Variants in ZNF646 observed in about 807,000 individuals in gnomAD.
The protein encoded by ZNF646 is zinc finger protein 646.
Under a neutral mutation model 115.4 loss-of-function variants are expected in ZNF646, and 49 were observed. The ratio of observed to expected loss-of-function variants is 0.42; its 90% confidence interval spans 0.34 to 0.54. The LOEUF (loss-of-function observed/expected upper bound fraction) is 0.54. ZNF646 is among the 20% of genes least tolerant of loss of function. ZNF646 has a pLI of 0.04. For missense variants in ZNF646, 2,269 were observed against 2,457.9 expected, an observed-to-expected ratio of 0.92 and a Z score of 1.62; for synonymous variants, 933 against 939.0, an observed-to-expected ratio of 0.99 and a Z score of 0.12.
chr16:31,083,223 A>C lies in ZNF646; in HGVS notation c.*131A>C. The C allele has an allele frequency of 7.4e-7, 1 of 1,359,164 alleles. No individual in the cohort carries two copies. Among genetic ancestry groups the C allele is most frequent in the Non-Finnish European group, 9.8e-7 (1 of 1,020,984 alleles). The allele number at this position is 1,359,164 out of a possible 1,614,324, so 84.2% of individuals were successfully genotyped here. A position where few individuals can be genotyped will look rare whatever the true frequency, so the allele number is the denominator to read the frequency against. On this transcript the variant is annotated 3_prime_UTR_variant, in exon 3 of 3. Coordinates refer to ENST00000300850, the MANE Select transcript of ZNF646 (RefSeq NM_014699.4). ...CTCTCCCCTTGTGAAGAGGACCCAGATCTGGCTTCTTTCCCAAGGAGGGGG... is the reference window on the plus strand; with the variant it reads ...CTCTCCCCTTGTGAAGAGGACCCAGCTCTGGCTTCTTTCCCAAGGAGGGGG...
In ZNF646 at chr16:31,078,904, G is replaced by T. The variant is rs773012092; in HGVS notation, c.2580G>T (p.Leu860=). Residue 860 remains leucine, a synonymous_variant, in exon 2 of 3, where the codon CTG becomes CTT. Transcript: ENST00000300850. ...CSLCPKEFDS[L]PALRSHFQNH... ...TCTGCCCGAAGGAGTTTGACTCTCTGCCTGCCCTCCGCAGCCACTTCCAGA... is the reference window on the plus strand; with the variant it reads ...TCTGCCCGAAGGAGTTTGACTCTCTTCCTGCCCTCCGCAGCCACTTCCAGA... 5 of 1,613,710 alleles carry T rather than the reference G, an allele frequency of 3.1e-6. No homozygotes were observed. In the South Asian group the frequency reaches 4.4e-5, roughly 14 times the overall value.
chr16:31,080,291 A>G lies in ZNF646; in HGVS notation c.3967A>G (p.Thr1323Ala). The G allele has an allele frequency of 6.2e-7, 1 of 1,613,004 alleles. No individual in the cohort carries two copies. Among genetic ancestry groups the G allele is most frequent in the Non-Finnish European group, 8.5e-7 (1 of 1,179,800 alleles). The change falls in exon 2 of 3, where the codon ACG becomes GCG. Residue 1323 changes from threonine (T) to alanine (A), a missense_variant. By Grantham distance (58) the Thr-to-Ala change is moderately conservative (BLOSUM62 0). This residue lies in a region of ZNF646 where 1,062 missense variants were observed against 1,172.8 expected (regional missense o/e 0.91). Coordinates refer to ENST00000300850, the MANE Select transcript of ZNF646 (RefSeq NM_014699.4). The part of the protein sequence containing the change: ...SLLNHRRSHE[T>A]GQYSCPTCPK... Reference sequence around the variant, plus strand: ...CCTGAACCACCGGCGCAGCCACGAGACGGGCCAGTACAGCTGCCCCACCTG... The same window carrying G: ...CCTGAACCACCGGCGCAGCCACGAGGCGGGCCAGTACAGCTGCCCCACCTG...
rs2057087622 is a variant in ZNF646 at position 31,077,124 on chromosome 16, C to G, written c.800C>G (p.Pro267Arg). 1 of 1,614,078 alleles carries G rather than the reference C, an allele frequency of 6.2e-7. No individual in the cohort carries two copies. Among genetic ancestry groups the G allele is most frequent in the African/African-American group, 1.3e-5 (1 of 74,932 alleles). The change falls in exon 2 of 3, where the codon CCC (proline) becomes CGC (arginine). Residue 267 changes from proline (P) to arginine (R), a missense_variant. Physicochemically the swap from Pro to Arg is moderately radical, Grantham distance 103. Coordinates refer to ENST00000300850, the MANE Select transcript of ZNF646 (RefSeq NM_014699.4). ...HRQSHTLGIY[P>R]CAICFKEFSN... is the part of the protein sequence containing the mutation. ...CAGAGCCACACGCTGGGCATCTACCCCTGTGCCATCTGTTTCAAGGAGTTC... is the reference window on the plus strand; with the variant it reads ...CAGAGCCACACGCTGGGCATCTACCGCTGTGCCATCTGTTTCAAGGAGTTC...
Position 31,080,486 on chromosome 16 carries a change from G to A in ZNF646, c.4162G>A (p.Glu1388Lys), listed in dbSNP as rs2057141297. The A allele has an allele frequency of 1.9e-6, 3 of 1,613,528 alleles. No homozygotes were observed. Among genetic ancestry groups the A allele is most frequent in the Admixed American group, 1.7e-5 (1 of 60,012 alleles). Reference sequence around the variant, plus strand: ...GGAGCGGCACCTGCGGGAGCATGAGGAGACAGAAAGGGAGCCAGCCAATGG... The same window carrying A: ...GGAGCGGCACCTGCGGGAGCATGAGAAGACAGAAAGGGAGCCAGCCAATGG... ...SLERHLREHE[E>K]TEREPANGQG... Residue 1388 changes from glutamate (E) to lysine (K), a missense_variant, in exon 2 of 3, where the codon GAG (glutamate) becomes AAG (lysine). This residue lies in a region of ZNF646 where 1,062 missense variants were observed against 1,172.8 expected (regional missense o/e 0.91). Transcript: ENST00000300850.
rs2057096813 is a variant in ZNF646, at chr16:31,077,785, T to C, written c.1461T>C (p.His487=). Residue 487 remains histidine, a synonymous_variant, in exon 2 of 3, where the codon CAT becomes CAC. Transcript: ENST00000300850. ...GCCTGGTGAACCATCGCCACAGCCA[T>C]CGGACTGGAGAGTACCAGTGCTCAC... ...RGSLVNHRHS[H]RTGEYQCSLC... 2 of 1,613,934 alleles carry C rather than the reference T, an allele frequency of 1.2e-6. No homozygotes were observed. Among genetic ancestry groups the C allele is most frequent in the African/African-American group, 2.7e-5 (2 of 75,044 alleles).
Position 31,076,516 on chromosome 16 carries a change from T to C in ZNF646, c.192T>C (p.Val64=). The C allele has an allele frequency of 1.2e-6, 2 of 1,613,462 alleles. No homozygotes were observed. Among genetic ancestry groups the C allele is most frequent in the Non-Finnish European group, 1.7e-6 (2 of 1,179,752 alleles). Reference sequence around the variant, plus strand: ...GCTACCGTCACCCCGGGAGCCTGGTTAACCATCGTCGGACCCACGAGACTG... The same window carrying C: ...GCTACCGTCACCCCGGGAGCCTGGTCAACCATCGTCGGACCCACGAGACTG... ...GRGYRHPGSL[V]NHRRTHETGL... Residue 64 remains valine (V), a synonymous_variant, in exon 2 of 3, where the codon GTT becomes GTC. Coordinates refer to ENST00000300850, the MANE Select transcript of ZNF646 (RefSeq NM_014699.4).
rs747905319 is a variant in ZNF646 at position 31,082,952 on chromosome 16, CCTCT to C, written c.5378-11_5378-8del. 16 of 1,566,116 alleles carry C rather than the reference CCTCT, an allele frequency of 1.0e-5. No homozygotes were observed. The highest frequency in any genetic ancestry group is 5.4e-5 in the African/African-American group (4 of 73,736). On this transcript the variant is annotated splice_polypyrimidine_tract_variant and intron_variant, in intron 2 of 2. Coordinates refer to ENST00000300850, the MANE Select transcript of ZNF646 (RefSeq NM_014699.4). ...GGGTCTGCCCCTCAGTTGGTGACCT[CCTCT>C]CTCTCTCCCCCCAGGAGCCCCAGTG...
chr16:31,083,336 A>G lies in ZNF646; in HGVS notation c.*244A>G. ...CTTCTCAGCGCCACCCTCAGCAGCCAGATTGCAACACCAGGGAGAGGCGGA... is the reference window on the plus strand; with the variant it reads ...CTTCTCAGCGCCACCCTCAGCAGCCGGATTGCAACACCAGGGAGAGGCGGA... On this transcript the variant is annotated 3_prime_UTR_variant, in exon 3 of 3. Coordinates refer to ENST00000300850, the MANE Select transcript of ZNF646 (RefSeq NM_014699.4). The G allele has an allele frequency of 1.0e-6, 1 of 973,998 alleles. No homozygotes were observed. Among genetic ancestry groups the G allele is most frequent in the Non-Finnish European group, 1.4e-6 (1 of 697,492 alleles). 60.3% of individuals were successfully genotyped at this position (973,998 alleles called of 1,614,324 possible). A position where few individuals can be genotyped will look rare whatever the true frequency, so the allele number is the denominator to read the frequency against.
At position 31,080,678 on chromosome 16, in the gene ZNF646, C is replaced by T; in HGVS notation, c.4354C>T (p.Pro1452Ser). 6.2e-7 allele frequency: 1 copy of T among 1,613,988 alleles called. No homozygotes were observed. The highest frequency in any genetic ancestry group is 1.7e-5 in the Admixed American group (1 of 60,020). The change falls in exon 2 of 3, where the codon CCA becomes TCA. Residue 1452 changes from proline to serine, a missense_variant. Pro to Ser is a moderately conservative substitution (Grantham distance 74, BLOSUM62 -1). Transcript: ENST00000300850. The part of the protein sequence containing the change: ...SPIRAASSEA[P>S]EPLSWGAGKA... ...CATCAGGGCAGCAAGCTCAGAAGCC[C>T]CAGAGCCACTGTCCTGGGGTGCAGG... is the stretch of plus-strand genomic sequence containing the variant.
Position 31,079,061 on chromosome 16 carries a change from T to G in ZNF646, c.2737T>G (p.Ser913Ala), listed in dbSNP as rs1222511483. Residue 913 changes from serine (S) to alanine (A), a missense_variant, in exon 2 of 3, where the codon TCA (serine) becomes GCA (alanine). Coordinates refer to ENST00000300850, the MANE Select transcript of ZNF646 (RefSeq NM_014699.4). This position sits in a 1 kb window ranked among gnomAD's most constrained non-coding sequence, Gnocchi z 5.5. Reference protein sequence around the residue: ...AHSSSGMTEGSEEEGEEEGVA... With the variant: ...AHSSSGMTEGAEEEGEEEGVA... ...CAGCTCCTCTGGCATGACTGAGGGCTCAGAGGAGGAGGGGGAAGAGGAAGG... is the reference window on the plus strand; with the variant it reads ...CAGCTCCTCTGGCATGACTGAGGGCGCAGAGGAGGAGGGGGAAGAGGAAGG... 2 of 1,577,452 alleles carry G rather than the reference T, an allele frequency of 1.3e-6. No individual in the cohort carries two copies. Among genetic ancestry groups the G allele is most frequent in the African/African-American group, 2.7e-5 (2 of 74,378 alleles).
intron 2 of ZNF646, chr16:31,081,903 C>T (rs1469642503): frequency 1.1e-6 from 1 of 913,980 alleles, no homozygotes; most frequent in East Asian, 2.7e-5. Context: ...TAACAAATAG[C>T]AGGGTGGGTT....
rs1431612482 is a variant in ZNF646, at chr16:31,080,589, G to A, written c.4265G>A (p.Gly1422Asp). ...GSQGLETQLGGAEPVPHLEDG... is the reference protein window; with the variant it reads ...GSQGLETQLGDAEPVPHLEDG... ...CAGGGACTAGAGACCCAATTGGGTG[G>A]TGCTGAGCCAGTACCCCACTTGGAG... is the stretch of plus-strand genomic sequence containing the variant. Residue 1422 changes from glycine to aspartate, a missense_variant, in exon 2 of 3, where the codon GGT becomes GAT. By Grantham distance (94) the Gly-to-Asp change is moderately conservative (BLOSUM62 -1). Around this residue, in one of 5 missense-constraint regions of ZNF646, gnomAD observed 1,062 missense variants for 1,172.8 expected, o/e 0.91. Transcript: ENST00000300850. The A allele has an allele frequency of 6.2e-7, 1 of 1,614,190 alleles. No individual in the cohort carries two copies. The highest frequency in any genetic ancestry group is 8.5e-7 in the Non-Finnish European group (1 of 1,180,032).
Position 31,080,006 on chromosome 16 carries a change from G to A in ZNF646, c.3682G>A (p.Gly1228Ser), listed in dbSNP as rs748083294. 17 of 1,604,870 alleles carry A rather than the reference G, an allele frequency of 1.1e-5. No individual in the cohort carries two copies. Among genetic ancestry groups the A allele is most frequent in the Non-Finnish European group, 1.4e-5 (16 of 1,173,576 alleles). The change falls in exon 2 of 3, where the codon GGC becomes AGC. Residue 1228 changes from glycine to serine, a missense_variant. Physicochemically the swap from Gly to Ser is moderately conservative, Grantham distance 56. This residue lies in a region of ZNF646 where 1,062 missense variants were observed against 1,172.8 expected (regional missense o/e 0.91). Coordinates refer to ENST00000300850, the MANE Select transcript of ZNF646 (RefSeq NM_014699.4). Reference protein sequence around the residue: ...LINHRQSHQTGHFGCQACSKG... With the variant: ...LINHRQSHQTSHFGCQACSKG... ...CAACCACCGGCAGAGCCACCAGACC[G>A]GCCACTTTGGCTGTCAGGCCTGCTC...
chr16:31,081,050 A>C lies in ZNF646; in HGVS notation c.4726A>C (p.Ser1576Arg). The C allele has an allele frequency of 6.2e-7, 1 of 1,614,042 alleles. No individual in the cohort carries two copies. The highest frequency in any genetic ancestry group is 1.3e-5 in the African/African-American group (1 of 75,066). ...AAATCCTGTGGCCACAAAGAGCCAC[A>C]GCCACAACCACATAGACGCCCAGAC... ...FLNPVATKSH[S>R]HNHIDAQTFA... The change falls in exon 2 of 3, where the codon AGC becomes CGC. Residue 1576 changes from serine to arginine, a missense_variant. Transcript: ENST00000300850.
chr16:31,077,101 G>A lies in ZNF646; in HGVS notation c.777G>A (p.Gln259=). ...CCGGGAGCCTCACCAACCACCGCCAGAGCCACACGCTGGGCATCTACCCCT... is the reference window on the plus strand; with the variant it reads ...CCGGGAGCCTCACCAACCACCGCCAAAGCCACACGCTGGGCATCTACCCCT... ...KHAGSLTNHR[Q]SHTLGIYPCA... The change falls in exon 2 of 3, where the codon CAG becomes CAA. Residue 259 remains glutamine, a synonymous_variant. Coordinates refer to ENST00000300850, the MANE Select transcript of ZNF646 (RefSeq NM_014699.4). 1 of 1,614,192 alleles carries A rather than the reference G, an allele frequency of 6.2e-7. No homozygotes were observed. The highest frequency in any genetic ancestry group is 1.3e-5 in the African/African-American group (1 of 75,050).
chr16:31,083,867 T>G lies in ZNF646; in HGVS notation c.*775T>G. 7.4e-7 allele frequency: 1 copy of G among 1,342,636 alleles called. No homozygotes were observed. Among genetic ancestry groups the G allele is most frequent in the Non-Finnish European group, 1.0e-6 (1 of 958,314 alleles). The allele number at this position is 1,342,636 out of a possible 1,614,324, so 83.2% of individuals were successfully genotyped here. A position where few individuals can be genotyped will look rare whatever the true frequency, so the allele number is the denominator to read the frequency against. ...CATCCTCACGGCTTTGGTCCCTCCC[T>G]CCCTCCCCATTCCTCGAAGGAACAG... On this transcript the variant is annotated 3_prime_UTR_variant, in exon 3 of 3. Transcript: ENST00000300850.
In ZNF646 at chr16:31,077,158, C is replaced by A. The variant is rs775416643; in HGVS notation, c.834C>A (p.Leu278=). 2 of 1,614,110 alleles carry A rather than the reference C, an allele frequency of 1.2e-6. No individual in the cohort carries two copies. Among genetic ancestry groups the A allele is most frequent in the African/African-American group, 2.7e-5 (2 of 74,930 alleles). The change falls in exon 2 of 3, where the codon CTC becomes CTA. Residue 278 remains leucine, a synonymous_variant. Transcript: ENST00000300850. ...TCTGTTTCAAGGAGTTCTCTAACCT[C>A]ATGGCTCTGAAGAACCACTCTCGAC... ...CAICFKEFSN[L]MALKNHSRLH... is the part of the protein sequence containing the mutation.
chr16:31,077,012 T>G lies in ZNF646; in HGVS notation c.688T>G (p.Ser230Ala), dbSNP rs200365125. The G allele has an allele frequency of 2.0e-4, 326 of 1,613,768 alleles. No individual in the cohort carries two copies. The highest frequency in any genetic ancestry group is 2.7e-4 in the Non-Finnish European group (319 of 1,179,922). ...NFTGGQEPTQSPPAEEERRYK... is the reference protein window; with the variant it reads ...NFTGGQEPTQAPPAEEERRYK... ...CACAGGGGGCCAGGAGCCCACCCAG[T>G]CCCCTCCTGCTGAGGAGGAGCGGCG... The change falls in exon 2 of 3, where the codon TCC becomes GCC. Residue 230 changes from serine to alanine, a missense_variant. This residue lies in a region of ZNF646 where 334 missense variants were observed against 323.5 expected (regional missense o/e 1.03). Coordinates refer to ENST00000300850, the MANE Select transcript of ZNF646 (RefSeq NM_014699.4).
At position 31,076,427 on chromosome 16, in the gene ZNF646, A is replaced by G; in HGVS notation, c.103A>G (p.Asn35Asp). 6.2e-7 allele frequency: 1 copy of G among 1,613,270 alleles called. No individual in the cohort carries two copies. Among genetic ancestry groups the G allele is most frequent in the Non-Finnish European group, 8.5e-7 (1 of 1,179,808 alleles). The change falls in exon 2 of 3, where the codon AAC becomes GAC. Residue 35 changes from asparagine to aspartate, a missense_variant. Asn to Asp is a conservative substitution (Grantham distance 23, BLOSUM62 1). This residue lies in a region of ZNF646 where 334 missense variants were observed against 323.5 expected (regional missense o/e 1.03). Transcript: ENST00000300850. ...CCGAGAACTGCTCCATCCATCTCCC[A>G]ACCAGGACAGTGAGGAGGCTGACAG... The part of the protein sequence containing the change: ...RHRELLHPSP[N>D]QDSEEADSIP...
Sources: allele counts gnomAD v4.1 joint callset, GRCh38; gene constraint gnomAD v4.1.1; regional missense constraint gnomAD v4.1.1; non-coding constraint Gnocchi (gnomAD v3.1); transcripts MANE v1.5; gene names NCBI Gene and HGNC (gene_info 2026-07-23, HGNC 2026-07-21).